The following ST18 variants were observed in gnomAD, a reference collection of about 807,000 sequenced individuals.
The protein encoded by ST18 is suppression of tumorigenicity 18 protein.
In ST18, 50 loss-of-function variants were observed where a neutral mutation model predicts 110.0. The observed-to-expected ratio is 0.45, with a 90% CI of 0.36 to 0.58. The LOEUF (loss-of-function observed/expected upper bound fraction) is 0.58. Among genes scored for constraint, ST18 ranks in the 20% least tolerant of loss-of-function variants. The pLI is 0.00. For synonymous variants in ST18, 461 were observed against 452.4 expected (o/e 1.02, Z -0.24); for missense variants, 1,306 against 1,280.1 (o/e 1.02, Z -0.31).
At chr8:52,396,257 CTTTA>C (rs921726935) in intron 2 of ST18, among the ~76,000 whole-genome samples, 37 of 152,214 alleles carry the variant, frequency 2.4e-4, no homozygotes, top group Admixed American at 2.2e-3. Flanking sequence ...CATATGACTA[CTTTA>C]TTTTTTTGAC....
At chr8:52,197,247 T>G (rs988511730) in intron 8 of ST18, among the ~76,000 whole-genome samples, 1 of 152,178 alleles carries the variant, frequency 6.6e-6, no homozygotes, top group African/African-American at 2.4e-5. Flanking sequence ...TACCTAAACT[T>G]AAGTTTATGT....
intron 2 of ST18, among the ~76,000 whole-genome samples, chr8:52,257,380 C>A (rs1589377374): frequency 6.6e-6 from 1 of 152,256 alleles, no homozygotes; most frequent in African/African-American, 2.4e-5. Flanking sequence ...AATGTGCCTG[C>A]ACAATATACC....
chr8:52,205,819 T>C (rs2079816451), intron 8 of ST18, among the ~76,000 whole-genome samples: 1 of 152,116 alleles, frequency 6.6e-6, no homozygotes, highest in Non-Finnish European at 1.5e-5. Flanking sequence ...CCACCTGCCT[T>C]AGCCTCCCAA....
chr8:52,280,370 T>C (rs909415004), intron 2 of ST18, among the ~76,000 whole-genome samples: 3 of 152,038 alleles, frequency 2.0e-5, no homozygotes, highest in African/African-American at 7.2e-5. Flanking sequence ...TACAACTATA[T>C]GGCTTCTTAA....
chr8:52,199,818 T>C (rs2077359242), intron 8 of ST18, among the ~76,000 whole-genome samples: 1 of 152,196 alleles, frequency 6.6e-6, no homozygotes, highest in Admixed American at 6.5e-5. Context: ...TGGAAGAGTT[T>C]GCCTCACACT....
chr8:52,327,712 C>T (rs1807142404), intron 2 of ST18, among the ~76,000 whole-genome samples: 1 of 152,210 alleles, frequency 6.6e-6, no homozygotes, highest in Admixed American at 6.5e-5. Flanking sequence ...TGCTGGACTA[C>T]ACCCAGCTGA....
At chr8:52,354,642 G>A (rs546041247) in intron 2 of ST18, among the ~76,000 whole-genome samples, 1 of 152,256 alleles carries the variant, frequency 6.6e-6, no homozygotes, top group African/African-American at 2.4e-5. Flanking sequence ...GAGCCCTGGA[G>A]CCCTCCAATG....
At chr8:52,307,509 T>C (rs1026689879) in intron 2 of ST18, among the ~76,000 whole-genome samples, 4 of 152,204 alleles carry the variant, frequency 2.6e-5, no homozygotes, top group African/African-American at 9.7e-5. Flanking sequence ...CAGATTTTTA[T>C]TTTTTAGATT....
Position 52,113,332 on chromosome 8 carries a change from T to C in ST18, c.3010A>G (p.Ile1004Val). The C allele has an allele frequency of 1.2e-6, 2 of 1,613,842 alleles. No homozygotes were observed. The highest frequency in any genetic ancestry group is 1.7e-6 in the Non-Finnish European group (2 of 1,179,852). The stretch of plus-strand genomic sequence containing the variant: ...TATGCTTCAAAATTCTGCTCACTGA[T>C]AGGTCCCTAAATGGAGACAAAACAC... ...ADIQLPQMGP[I>V]SEQNFEAYVN... Residue 1004 changes from isoleucine (I) to valine (V), a missense_variant, in exon 26 of 26, where the codon ATC (isoleucine) becomes GTC (valine). Coordinates refer to ENST00000689386, the MANE Select transcript of ST18 (RefSeq NM_001352837.2).
intron 2 of ST18, among the ~76,000 whole-genome samples, chr8:52,341,657 G>T (rs1285086261): frequency 2.0e-5 from 3 of 152,330 alleles, no homozygotes; most frequent in African/African-American, 2.4e-5. Context: ...TCCCCAAAAA[G>T]TCTGTGGTCA....
chr8:52,148,912 G>A (rs536218987), intron 16 of ST18, among the ~76,000 whole-genome samples: 2 of 152,304 alleles, frequency 1.3e-5, no homozygotes, highest in South Asian at 4.1e-4. Context: ...GGCTATTTCA[G>A]TTCTTTACAC....
At chr8:52,297,688 T>C (rs1223299932) in intron 2 of ST18, among the ~76,000 whole-genome samples, 1 of 152,150 alleles carries the variant, frequency 6.6e-6, no homozygotes, top group East Asian at 1.9e-4. Context: ...TAAGAAATAA[T>C]TGTAACAAAC....
chr8:52,388,153 A>G (rs897777225), intron 2 of ST18, among the ~76,000 whole-genome samples: 1 of 152,226 alleles, frequency 6.6e-6, no homozygotes, highest in Non-Finnish European at 1.5e-5. Flanking sequence ...ATTTGAGCAT[A>G]AGGAGCATAA....
intron 2 of ST18, among the ~76,000 whole-genome samples, chr8:52,276,137 C>CAT (rs1328417462): frequency 4.7e-4 from 3 of 6,366 alleles, no homozygotes; most frequent in Non-Finnish European, 7.4e-4. Flanking sequence ...ACCACACACA[C>CAT]ACCACATGCA....
chr8:52,180,095 T>C (rs1015209524), intron 9 of ST18, 27 bp downstream of exon 9: 4 of 1,610,148 alleles, frequency 2.5e-6, no homozygotes, highest in Middle Eastern at 3.4e-4. Context: ...AGGGAGCAGG[T>C]AAAGTTTGGG....
At chr8:52,283,649 G>T (rs2095422550) in intron 2 of ST18, among the ~76,000 whole-genome samples, 2 of 152,216 alleles carry the variant, frequency 1.3e-5, no homozygotes, top group African/African-American at 4.8e-5. Context: ...AGACTCAGCT[G>T]CTGGAAGTCG....
chr8:52,166,892 G>T lies in ST18; in HGVS notation c.1164C>A (p.Ser388Arg). The T allele has an allele frequency of 1.9e-6, 3 of 1,606,752 alleles. No homozygotes were observed. Among genetic ancestry groups the T allele is most frequent in the Non-Finnish European group, 2.6e-6 (3 of 1,174,680 alleles). ...GCACTTTGTGGGGGCACCCCGAAAG[G>T]CTGCGGTGGTGCGGGTAGAGCCCTG... Reference protein sequence around the residue: ...HVTGLYPHHRSLSGCPHKVRV... With the variant: ...HVTGLYPHHRRLSGCPHKVRV... The change falls in exon 11 of 26, where the codon AGC becomes AGA. Residue 388 changes from serine (S) to arginine (R), a missense_variant. Transcript: ENST00000689386.
At chr8:52,327,084 A>G (rs544900925) in intron 2 of ST18, among the ~76,000 whole-genome samples, 3 of 152,374 alleles carry the variant, frequency 2.0e-5, no homozygotes, top group Admixed American at 6.5e-5. Flanking sequence ...TCCTGTAGCC[A>G]AATCACTCAC....
intron 2 of ST18, among the ~76,000 whole-genome samples, chr8:52,300,286 A>C (rs1480006268): frequency 6.6e-6 from 1 of 152,186 alleles, no homozygotes; most frequent in East Asian, 1.9e-4. Flanking sequence ...TTATATTGCT[A>C]TACAGATTCT....
Sources: gnomAD v4.1 joint callset for allele counts (sites outside exome capture counted in the v4.1 genomes callset) on GRCh38, gnomAD v4.1.1 for gene constraint, MANE v1.5 for transcripts, NCBI Gene and HGNC (gene_info 2026-07-23, HGNC 2026-07-21) for gene names.